The following STRN3 variants were observed in gnomAD, a reference collection of about 807,000 sequenced individuals.
STRN3 encodes striatin 3.
In STRN3, 29 loss-of-function variants were observed where a neutral mutation model predicts 95.6. That is an observed-to-expected ratio of 0.30 (90% CI 0.23 to 0.41). The LOEUF is 0.41. Among genes scored for constraint, STRN3 ranks in the 10% least tolerant of loss-of-function variants. The pLI is 1.00. For missense variants in STRN3, 890 were observed against 972.1 expected (o/e 0.92, Z 1.12); for synonymous variants, 331 against 357.6 (o/e 0.93, Z 0.84).
At position 30,907,052 on chromosome 14, in the gene STRN3, A is replaced by G. The variant is rs199746407; in HGVS notation, c.1721-8T>C. The G allele has an allele frequency of 3.1e-6, 5 of 1,591,860 alleles. No homozygotes were observed. Among genetic ancestry groups the G allele is most frequent in the Non-Finnish European group, 4.3e-6 (5 of 1,174,050 alleles). ...CAGCTAGAACATTTGGCTCTGGGGA[A>G]AAAACAAACAAACAAAAAATTAGGT... On this transcript the variant is annotated splice_polypyrimidine_tract_variant and splice_region_variant and intron_variant, in intron 13 of 17. Coordinates refer to ENST00000357479, the MANE Select transcript of STRN3 (RefSeq NM_001083893.2).
intron 1 of STRN3, among the ~76,000 whole-genome samples, chr14:30,967,203 CAG>C (rs1413299089): frequency 7.6e-6 from 1 of 130,934 alleles, no homozygotes; most frequent in Non-Finnish European, 1.5e-5. Context: ...ACCCTAGAGG[CAG>C]AGAGACACAG....
intron 5 of STRN3, among the ~76,000 whole-genome samples, chr14:30,938,395 G>A (rs1344611781): frequency 6.6e-6 from 1 of 152,026 alleles, no homozygotes; most frequent in Non-Finnish European, 1.5e-5. Flanking sequence ...GAATGCATTT[G>A]ACAAAAGTAG....
chr14:30,923,664 T>C (rs1290519035), intron 8 of STRN3, among the ~76,000 whole-genome samples: 1 of 152,170 alleles, frequency 6.6e-6, no homozygotes, highest in Non-Finnish European at 1.5e-5. Context: ...AATGAAATAA[T>C]CTTTTCTTGG....
intron 4 of STRN3, among the ~76,000 whole-genome samples, chr14:30,948,785 T>A (rs189761511): frequency 1.4e-4 from 22 of 152,284 alleles, no homozygotes; most frequent in Admixed American, 5.9e-4. Context: ...AATCAGGCAA[T>A]GGGATTAGGC....
chr14:30,993,375 A>G (rs1882055174), intron 1 of STRN3, among the ~76,000 whole-genome samples: 2 of 152,208 alleles, frequency 1.3e-5, no homozygotes, highest in Admixed American at 1.3e-4. Context: ...ATGAATACCT[A>G]TATCACACTG....
intron 15 of STRN3, 36 bp downstream of exon 15, chr14:30,905,380 CCT>C: frequency 2.6e-6 from 4 of 1,550,330 alleles, no homozygotes. Flanking sequence ...GTGTAATAAC[CCT>C]TTTTAAGGTT....
intron 5 of STRN3, among the ~76,000 whole-genome samples, chr14:30,943,031 G>A (rs1418260047): frequency 6.6e-6 from 1 of 152,096 alleles, no homozygotes; most frequent in East Asian, 1.9e-4. Context: ...TAACCATTAG[G>A]CATACTGCCT....
intron 6 of STRN3, among the ~76,000 whole-genome samples, chr14:30,936,090 G>A (rs190417821): frequency 5.3e-5 from 8 of 152,326 alleles, no homozygotes; most frequent in Non-Finnish European, 1.0e-4. Flanking sequence ...ATACAAGAAT[G>A]TTGAGACTTA....
rs536433063 is a variant in STRN3 at position 31,001,983 on chromosome 14, G to A, written c.282+23921C>T. On this transcript the variant is annotated intron_variant, in intron 1 of 17. Transcript: ENST00000357479. ...AGTTTGAGACCAGCCTGACCAACAT[G>A]GAGAAACCCCATCTCTACTAAAAAT... Among the ~76,000 whole-genome samples, 32 of 151,796 alleles carry A rather than the reference G, an allele frequency of 2.1e-4. 1 individual carries two copies. Among genetic ancestry groups the A allele is most frequent in the African/African-American group, 7.0e-4 (29 of 41,380 alleles).
intron 6 of STRN3, 103 bp downstream of exon 6, chr14:30,936,392 T>A (rs1350214582): frequency 2.4e-6 from 3 of 1,259,962 alleles, no homozygotes; most frequent in Non-Finnish European, 3.2e-6. Context: ...ATATGTAAAG[T>A]AAAGATGATC....
rs752853577 is a variant in STRN3 at position 30,911,155 on chromosome 14, C to T, written c.1606G>A (p.Val536Ile). Reference sequence around the variant, plus strand: ...TTAGAACTAATAGCTAATGACAGAACAGGGCCGCTATTGTAGGAAGAGAGG... The same window carrying T: ...TTAGAACTAATAGCTAATGACAGAATAGGGCCGCTATTGTAGGAAGAGAGG... ...IYTFRAHIGP[V>I]LSLAISSNGE... is the part of the protein sequence containing the mutation. Residue 536 changes from valine to isoleucine, a missense_variant, in exon 13 of 18, where the codon GTT becomes ATT. Val to Ile is a conservative substitution (Grantham distance 29). Around this residue, in one of 3 missense-constraint regions of STRN3, gnomAD observed 357 missense variants for 422.8 expected, o/e 0.84. Transcript: ENST00000357479. The T allele has an allele frequency of 6.2e-7, 1 of 1,611,376 alleles. No individual in the cohort carries two copies. The highest frequency in any genetic ancestry group is 8.5e-7 in the Non-Finnish European group (1 of 1,179,414).
At chr14:30,903,447 G>C (rs1896378335) in intron 15 of STRN3, among the ~76,000 whole-genome samples, 1 of 152,092 alleles carries the variant, frequency 6.6e-6, no homozygotes, top group African/African-American at 2.4e-5. Context: ...TGTCACCTAG[G>C]CTGGAGTGCA....
At chr14:30,971,150 A>G (rs1410927955) in intron 1 of STRN3, among the ~76,000 whole-genome samples, 1 of 152,094 alleles carries the variant, frequency 6.6e-6, no homozygotes, top group Admixed American at 6.5e-5. Context: ...GAGCTTATCA[A>G]TCAGTCAGCC....
chr14:31,008,806 A>G (rs1054551232), intron 1 of STRN3, among the ~76,000 whole-genome samples: 2 of 152,156 alleles, frequency 1.3e-5, no homozygotes, highest in Admixed American at 1.3e-4. Context: ...TAGCAGGCCA[A>G]GGCAAGTGGA....
At chr14:30,902,170 TC>T (rs2138954006) in intron 16 of STRN3, among the ~76,000 whole-genome samples, 1 of 15,902 alleles carries the variant, frequency 6.3e-5, no homozygotes, top group African/African-American at 2.5e-4. Context: ...AAACTCCGCC[TC>T]AAAAAAAAAA....
At chr14:30,970,724 G>T (rs1948759472) in intron 1 of STRN3, among the ~76,000 whole-genome samples, 1 of 152,212 alleles carries the variant, frequency 6.6e-6, no homozygotes, top group African/African-American at 2.4e-5. Context: ...CCAAGATAGC[G>T]ATGGTAAAAG....
chr14:30,946,914 G>A (rs1470519427), intron 5 of STRN3, among the ~76,000 whole-genome samples, 176 bp downstream of exon 5: 2 of 151,590 alleles, frequency 1.3e-5, no homozygotes, highest in Non-Finnish European at 2.9e-5. Context: ...GGGAGGCGGA[G>A]GTTGCAGTGA....
At chr14:30,936,793 C>T (rs1257846476) in intron 5 of STRN3, among the ~76,000 whole-genome samples, 169 bp from the exon 6 acceptor site, 1 of 152,192 alleles carries the variant, frequency 6.6e-6, no homozygotes, top group Non-Finnish European at 1.5e-5. Context: ...TGTTCTACAA[C>T]TGAAATAAAA....
rs140038310 is a variant in STRN3 at position 30,935,792 on chromosome 14, G to A, written c.847-488C>T. 2.9e-3 allele frequency among the ~76,000 whole-genome samples: 441 copies of A among 152,238 alleles called. 4 individuals are homozygous for A. The highest frequency in any genetic ancestry group is 0.01 in the African/African-American group (419 of 41,538). On this transcript the variant is annotated intron_variant, in intron 6 of 17. Transcript: ENST00000357479. ...ATCTCTATTCACCCAAATAGACTAC[G>A]TTATACATATAGAATGTGTCAAAAA...
Sources: gnomAD v4.1 joint callset for allele counts (sites outside exome capture counted in the v4.1 genomes callset) on GRCh38, gnomAD v4.1.1 for gene constraint, gnomAD v4.1.1 regional missense constraint, MANE v1.5 for transcripts, NCBI Gene and HGNC (gene_info 2026-07-23, HGNC 2026-07-21) for gene names.